Variants in NAT2 observed in about 807,000 individuals in gnomAD.
NAT2 encodes the protein arylamine N-acetyltransferase 2.
For synonymous variants in NAT2, 137 were observed against 125.9 expected (o/e 1.09, Z -0.59); for missense variants, 428 against 339.1 (o/e 1.26, Z -2.06).
chr8:18,390,833 G>A (rs45453995), upstream of NAT2, among the ~76,000 whole-genome samples: 50 of 152,276 alleles, frequency 3.3e-4, no homozygotes, highest in Non-Finnish European at 6.8e-4. Flanking sequence ...GAATGAGAGT[G>A]AGGATGAGAG....
intron 1 of NAT2, among the ~76,000 whole-genome samples, chr8:18,392,534 C>T (rs556405639): frequency 1.3e-5 from 2 of 152,308 alleles, no homozygotes; most frequent in African/African-American, 4.8e-5. Flanking sequence ...TCTGGCTGTG[C>T]TGGCAGCTGA....
chr8:18,396,675 T>G (rs1800698447), intron 1 of NAT2, among the ~76,000 whole-genome samples: 1 of 152,198 alleles, frequency 6.6e-6, no homozygotes, highest in Non-Finnish European at 1.5e-5. Context: ...ATGACAGGCA[T>G]GAACCAATGC....
chr8:18,396,225 A>G (rs1486020158), intron 1 of NAT2, among the ~76,000 whole-genome samples: 2 of 152,128 alleles, frequency 1.3e-5, no homozygotes, highest in Non-Finnish European at 2.9e-5. Context: ...ATATTTTGAC[A>G]TAAGGGCCTA....
upstream of NAT2, among the ~76,000 whole-genome samples, chr8:18,386,920 A>T (rs1041261757): frequency 6.6e-6 from 1 of 152,210 alleles, no homozygotes; most frequent in Non-Finnish European, 1.5e-5. Flanking sequence ...GGTGAGCAAG[A>T]CTGTGTCCCT....
chr8:18,395,229 AC>A (rs1800663212), intron 1 of NAT2, among the ~76,000 whole-genome samples: 1 of 152,124 alleles, frequency 6.6e-6, no homozygotes, highest in Non-Finnish European at 1.5e-5. Context: ...ATTCAAAAGC[AC>A]CCCTTAGAGT....
chr8:18,387,800 G>T, upstream of NAT2: 1 of 152,908 alleles, frequency 6.5e-6, no homozygotes, highest in Non-Finnish European at 1.5e-5. Flanking sequence ...ATGTATGGGG[G>T]AAAGAGAACC....
At chr8:18,388,782 T>C (rs1344803525), upstream of NAT2, among the ~76,000 whole-genome samples, 1 of 152,236 alleles carries the variant, frequency 6.6e-6, no homozygotes, top group Non-Finnish European at 1.5e-5. Flanking sequence ...AGCTTTTCTT[T>C]ATGGTATCAC....
intron 1 of NAT2, among the ~76,000 whole-genome samples, chr8:18,399,687 C>A (rs183659228): frequency 6.6e-6 from 1 of 152,258 alleles, no homozygotes; most frequent in Non-Finnish European, 1.5e-5. Context: ...CTTTTTTACT[C>A]ATCACCAAGA....
chr8:18,392,543 G>A (rs1215802608), intron 1 of NAT2, among the ~76,000 whole-genome samples: 1 of 152,174 alleles, frequency 6.6e-6, no homozygotes, highest in Non-Finnish European at 1.5e-5. Flanking sequence ...GCTGGCAGCT[G>A]ATTAGATGGT....
At chr8:18,394,707 G>A (rs140579383) in intron 1 of NAT2, among the ~76,000 whole-genome samples, 1 of 152,230 alleles carries the variant, frequency 6.6e-6, no homozygotes, top group African/African-American at 2.4e-5. Flanking sequence ...CAAGCTGTGA[G>A]GCCAGTTTTA....
chr8:18,399,142 C>T (rs41319551), intron 1 of NAT2, among the ~76,000 whole-genome samples: 1 of 152,128 alleles, frequency 6.6e-6, no homozygotes, highest in Non-Finnish European at 1.5e-5. Context: ...GATGTTTCCT[C>T]AACACTTGGG....
In NAT2 at chr8:18,400,863, C is replaced by G. The variant is rs1211162895; in HGVS notation, c.860C>G (p.Ser287Cys). 1.3e-6 allele frequency: 2 copies of G among 1,588,192 alleles called. No individual in the cohort carries two copies. The highest frequency in any genetic ancestry group is 1.7e-6 in the Non-Finnish European group (2 of 1,171,280). Reference sequence around the variant, plus strand: ...CTCGTGCCCAAACCTGGTGATGGATCCCTTACTATTTAGAATAAGGAACAA... The same window carrying G: ...CTCGTGCCCAAACCTGGTGATGGATGCCTTACTATTTAGAATAAGGAACAA... The part of the protein sequence containing the change: ...RNLVPKPGDG[S>C]LTI The change falls in exon 2 of 2, where the codon TCC (serine) becomes TGC (cysteine). Residue 287 changes from serine (S) to cysteine (C), a missense_variant. Ser to Cys is a moderately radical substitution (Grantham distance 112). Transcript: ENST00000286479.
chr8:18,392,145 G>A (rs1362791279), intron 1 of NAT2, among the ~76,000 whole-genome samples: 1 of 152,174 alleles, frequency 6.6e-6, no homozygotes, highest in Non-Finnish European at 1.5e-5. Flanking sequence ...TGATTAATAG[G>A]GGAAAGGGAG....
intron 1 of NAT2, among the ~76,000 whole-genome samples, chr8:18,397,297 G>GTTAT (rs1445449716): frequency 6.6e-6 from 1 of 151,908 alleles, no homozygotes; most frequent in Non-Finnish European, 1.5e-5. Context: ...TAATTCAAAG[G>GTTAT]TTATTTATGA....
Position 18,391,759 on chromosome 8 carries a change from A to C in NAT2, c.-7+414A>C, listed in dbSNP as rs189105748. On this transcript the variant is annotated intron_variant, in intron 1 of 1. Coordinates refer to ENST00000286479, the MANE Select transcript of NAT2 (RefSeq NM_000015.3). ...TTGCAAAACCATCTTTTATGGGGAAATTTGCTGGTTTCTGGCTCTGCTCTG... is the reference window on the plus strand; with the variant it reads ...TTGCAAAACCATCTTTTATGGGGAACTTTGCTGGTTTCTGGCTCTGCTCTG... Among the ~76,000 whole-genome samples, 3 of 152,296 alleles carry C rather than the reference A, an allele frequency of 2.0e-5. No homozygotes were observed. The East Asian group carries it at 5.8e-4, about 29-fold the overall frequency.
At chr8:18,394,484 T>G (rs187644670) in intron 1 of NAT2, among the ~76,000 whole-genome samples, 1 of 152,332 alleles carries the variant, frequency 6.6e-6, no homozygotes, top group African/African-American at 2.4e-5. Flanking sequence ...TGGAACATTC[T>G]TTTTTGTAAA....
At position 18,391,292 on chromosome 8, in the gene NAT2, A is replaced by T. The variant is rs1172652821; in HGVS notation, c.-60A>T. 1 of 152,174 alleles carries T rather than the reference A, an allele frequency of 6.6e-6. No individual in the cohort carries two copies. Among genetic ancestry groups the T allele is most frequent in the Non-Finnish European group, 1.5e-5 (1 of 68,034 alleles). The allele number at this position is 152,174 out of a possible 1,614,324, so 9.4% of individuals were successfully genotyped here. On this transcript the variant is annotated 5_prime_UTR_variant, in exon 1 of 2. Coordinates refer to ENST00000286479, the MANE Select transcript of NAT2 (RefSeq NM_000015.3). ...TTTGGAAGGGAGAGCACTTTATTAC[A>T]GACCTTGGAAGCAAGAGGATTGCAT...
chr8:18,389,862 G>T (rs886484412), upstream of NAT2, among the ~76,000 whole-genome samples: 1 of 152,188 alleles, frequency 6.6e-6, no homozygotes, highest in African/African-American at 2.4e-5. Context: ...CTAAAACCAG[G>T]CCACAAGACA....
upstream of NAT2, chr8:18,387,258 GCGC>G (rs531786575): frequency 2.6e-5 from 4 of 153,268 alleles, no homozygotes; most frequent in South Asian, 2.0e-4. Flanking sequence ...CCCGCTGGCG[GCGC>G]CGCCGCCGCC....
Sources: allele counts gnomAD v4.1 joint callset (sites outside exome capture counted in the v4.1 genomes callset), GRCh38; gene constraint gnomAD v4.1.1; transcripts MANE v1.5; gene names NCBI Gene and HGNC (gene_info 2026-07-23, HGNC 2026-07-21).